ADAM7: variants seen among roughly 807,000 people sequenced by gnomAD.
The protein encoded by ADAM7 is disintegrin and metalloproteinase domain-containing protein 7.
A neutral mutation model predicts 102.9 loss-of-function variants in ADAM7; 97 were observed. That is an observed-to-expected ratio of 0.94 (90% CI 0.80 to 1.12). The LOEUF is 1.12. Ranked by LOEUF, ADAM7 falls within the 50% of genes most tolerant of loss-of-function variation. The pLI is 0.00. For synonymous variants in ADAM7, 334 were observed against 304.4 expected, an observed-to-expected ratio of 1.10 and a Z score of -1.01; for missense variants, 991 against 908.7, an observed-to-expected ratio of 1.09 and a Z score of -1.16.
chr8:24,444,009 G>A (rs1202316869), intron 2 of ADAM7, among the ~76,000 whole-genome samples: 2 of 151,048 alleles, frequency 1.3e-5, no homozygotes, highest in Non-Finnish European at 3.0e-5. Context: ...GATAAGCTTG[G>A]ATAAGGGCAA....
intron 7 of ADAM7, chr8:24,475,833 C>T (rs970857771): frequency 5.9e-5 from 25 of 426,084 alleles, no homozygotes; most frequent in African/African-American, 3.7e-4. Flanking sequence ...TACAAGATCC[C>T]GATAGTACAA....
intron 3 of ADAM7, among the ~76,000 whole-genome samples, chr8:24,463,000 A>C (rs1246363173): frequency 6.6e-6 from 1 of 152,202 alleles, no homozygotes; most frequent in Non-Finnish European, 1.5e-5. Context: ...AACAGTAACA[A>C]AAAATGAAAC....
intron 20 of ADAM7, among the ~76,000 whole-genome samples, chr8:24,502,292 G>A (rs564954021): frequency 7.4e-4 from 113 of 152,020 alleles, no homozygotes; most frequent in African/African-American, 2.2e-3. Flanking sequence ...AATGTATAGC[G>A]CTTATCTGCT....
At chr8:24,452,915 A>C (rs1267643609) in intron 3 of ADAM7, among the ~76,000 whole-genome samples, 2 of 149,062 alleles carry the variant, frequency 1.3e-5, no homozygotes, top group Non-Finnish European at 3.0e-5. Flanking sequence ...TATGAAGCTT[A>C]GTTTGGCTGG....
chr8:24,455,647 C>A (rs889332946), intron 3 of ADAM7, among the ~76,000 whole-genome samples: 11 of 152,226 alleles, frequency 7.2e-5, no homozygotes, highest in African/African-American at 2.4e-4. Flanking sequence ...TTCAAGCAGT[C>A]CTCCTGCCTT....
chr8:24,477,766 G>T (rs1040180006), intron 8 of ADAM7, among the ~76,000 whole-genome samples: 2 of 151,666 alleles, frequency 1.3e-5, no homozygotes, highest in Non-Finnish European at 2.9e-5. Flanking sequence ...TAGATCCTGT[G>T]ATTTTCCCAC....
At position 24,488,736 on chromosome 8, in the gene ADAM7, A is replaced by G. The variant is rs1820232202; in HGVS notation, c.1092-423A>G. Among the ~76,000 whole-genome samples the G allele has an allele frequency of 2.6e-5, 4 of 152,202 alleles. No individual in the cohort carries two copies. The South Asian group carries it at 8.3e-4, about 32-fold the overall frequency. ...AAACTGTTTGTCTTAATAAATTTAT[A>G]GAGAACCACTTTGTGCCAGGTACTG... is the stretch of plus-strand genomic sequence containing the variant. On this transcript the variant is annotated intron_variant, in intron 11 of 21. Coordinates refer to ENST00000175238, the MANE Select transcript of ADAM7 (RefSeq NM_003817.4).
In ADAM7 at chr8:24,441,055, A is replaced by T. The variant is rs1021733886; in HGVS notation, c.-54A>T. ...CTGCAGTGGAAGTGAGGAGGAAGAAAGGTGAACTCCTTTTCTCAAGCACTT... is the reference window on the plus strand; with the variant it reads ...CTGCAGTGGAAGTGAGGAGGAAGAATGGTGAACTCCTTTTCTCAAGCACTT... On this transcript the variant is annotated 5_prime_UTR_variant, in exon 1 of 22. The change creates a new upstream start codon in the 5' untranslated region. Coordinates refer to ENST00000175238, the MANE Select transcript of ADAM7 (RefSeq NM_003817.4). 4.6e-6 allele frequency: 7 copies of T among 1,533,000 alleles called. No individual in the cohort carries two copies. The highest frequency in any genetic ancestry group is 6.3e-6 in the Non-Finnish European group (7 of 1,106,964). 95.0% of individuals were successfully genotyped at this position (1,533,000 alleles called of 1,614,324 possible). A position where few individuals can be genotyped will look rare whatever the true frequency, so the allele number is the denominator to read the frequency against.
chr8:24,455,336 A>G (rs545997879), intron 3 of ADAM7, among the ~76,000 whole-genome samples: 4 of 152,264 alleles, frequency 2.6e-5, no homozygotes, highest in African/African-American at 9.6e-5. Context: ...TGCATTTTAA[A>G]TTATATTACA....
intron 3 of ADAM7, among the ~76,000 whole-genome samples, chr8:24,459,978 T>A (rs912475222): frequency 3.3e-5 from 5 of 152,182 alleles, no homozygotes; most frequent in East Asian, 1.9e-4. Flanking sequence ...TGATTTTTTT[T>A]ATTATCATTC....
chr8:24,441,700 A>C (rs1388286612), intron 1 of ADAM7, among the ~76,000 whole-genome samples: 1 of 152,240 alleles, frequency 6.6e-6, no homozygotes, highest in Non-Finnish European at 1.5e-5. Context: ...TATGGTTGGC[A>C]CTGATGCAGG....
intron 16 of ADAM7, among the ~76,000 whole-genome samples, chr8:24,497,126 G>A (rs190579288): frequency 1.3e-5 from 2 of 152,196 alleles, no homozygotes; most frequent in South Asian, 2.1e-4. Context: ...TATAAGGGGG[G>A]ATTTTCCTGC....
At position 24,482,240 on chromosome 8, in the gene ADAM7, A is replaced by T. The variant is rs201308689; in HGVS notation, c.804A>T (p.Leu268Phe). The part of the protein sequence containing the change: ...IELYSNIETT[L>F]LRFSFWQEKI... ...TATATTCAAATATAGAAACTACCTT[A>T]TTGCGTTTTTCATTTTGGCAAGAAA... Residue 268 changes from leucine (L) to phenylalanine (F), a missense_variant, in exon 9 of 22, where the codon TTA (leucine) becomes TTT (phenylalanine). Physicochemically the swap from Leu to Phe is conservative, Grantham distance 22 (BLOSUM62 0). Transcript: ENST00000175238. 49 of 1,611,288 alleles carry T rather than the reference A, an allele frequency of 3.0e-5. No homozygotes were observed. The East Asian group carries it at 5.4e-4, about 18-fold the overall frequency.
At position 24,442,593 on chromosome 8, in the gene ADAM7, A is replaced by G. The variant is rs1351118338; in HGVS notation, c.156+17A>G. The G allele has an allele frequency of 6.3e-7, 1 of 1,586,100 alleles. No individual in the cohort carries two copies. Among genetic ancestry groups the G allele is most frequent in the Admixed American group, 1.7e-5 (1 of 59,984 alleles). Reference sequence around the variant, plus strand: ...GACATACTGGTACAAGTTTTGATTTAGTAAATAAGATTTGTTGCTTTCACA... The same window carrying G: ...GACATACTGGTACAAGTTTTGATTTGGTAAATAAGATTTGTTGCTTTCACA... On this transcript the variant is annotated intron_variant, in intron 2 of 21. Transcript: ENST00000175238.
intron 5 of ADAM7, among the ~76,000 whole-genome samples, chr8:24,466,044 G>C (rs1234852129): frequency 6.6e-6 from 1 of 152,168 alleles, no homozygotes; most frequent in Non-Finnish European, 1.5e-5. Context: ...TTTAGTCTGG[G>C]CTCTCATTTT....
chr8:24,460,385 C>G (rs766288082), intron 3 of ADAM7, among the ~76,000 whole-genome samples: 1 of 151,466 alleles, frequency 6.6e-6, no homozygotes, highest in Non-Finnish European at 1.5e-5. Flanking sequence ...TTAATGTTAC[C>G]GTTCCTATTA....
chr8:24,500,234 T>C lies in ADAM7; in HGVS notation c.1980T>C (p.Cys660=). Residue 660 remains cysteine (C), a synonymous_variant, in exon 18 of 22, where the codon TGT becomes TGC. Transcript: ENST00000175238. Reference sequence around the variant, plus strand: ...AGGAAGGACAGGCACCTGTAGCCTGTGAAGAAACCTTACATGTTACCAGTG... The same window carrying C: ...AGGAAGGACAGGCACCTGTAGCCTGCGAAGAAACCTTACATGTTACCAGTG... ...HCEEGQAPVA[C]EETLHVTNIT... 6.2e-7 allele frequency: 1 copy of C among 1,611,474 alleles called. No homozygotes were observed. The highest frequency in any genetic ancestry group is 8.5e-7 in the Non-Finnish European group (1 of 1,178,030).
rs1818834323 is a variant in ADAM7 at position 24,452,453 on chromosome 8, T to C, written c.233+5191T>C. ...CTTTGTTGGTTTACAGTCTGTTTTATCAGAGACTAGGATTGCAACCCCTGC... is the reference window on the plus strand; with the variant it reads ...CTTTGTTGGTTTACAGTCTGTTTTACCAGAGACTAGGATTGCAACCCCTGC... On this transcript the variant is annotated intron_variant, in intron 3 of 21. Coordinates refer to ENST00000175238, the MANE Select transcript of ADAM7 (RefSeq NM_003817.4). Among the ~76,000 whole-genome samples, 3 of 150,414 alleles carry C rather than the reference T, an allele frequency of 2.0e-5. No individual in the cohort carries two copies. The Admixed American group carries it at 2.0e-4, about 10-fold the overall frequency.
chr8:24,468,712 G>C, intron 6 of ADAM7, 55 bp from the exon 7 acceptor site: 1 of 1,502,826 alleles, frequency 6.7e-7, no homozygotes. Flanking sequence ...CAACTTAAAG[G>C]GTTAAGATAG....
Sources: allele counts gnomAD v4.1 joint callset (sites outside exome capture counted in the v4.1 genomes callset), GRCh38; gene constraint gnomAD v4.1.1; transcripts MANE v1.5; gene names NCBI Gene and HGNC (gene_info 2026-07-23, HGNC 2026-07-21).